The following ZNF423 variants were observed in gnomAD, a reference collection of about 807,000 sequenced individuals.
ZNF423 encodes the protein zinc finger protein 423.
In ZNF423, 12 loss-of-function variants were observed where a neutral mutation model predicts 95.8. That is an observed-to-expected ratio of 0.13 (90% CI 0.08 to 0.20). The LOEUF is 0.20. Ranked by LOEUF, ZNF423 falls within the 10% of genes least tolerant of loss-of-function variation. The pLI is 1.00. For missense variants in ZNF423, 1,316 were observed against 1,737.1 expected (o/e 0.76, Z 4.31); for synonymous variants, 749 against 711.9 (o/e 1.05, Z -0.83).
intron 2 of ZNF423, among the ~76,000 whole-genome samples, chr16:49,747,932 G>A (rs759119970): frequency 5.3e-5 from 8 of 152,232 alleles, no homozygotes; most frequent in Non-Finnish European, 1.2e-4. Flanking sequence ...CCTAGCCCTG[G>A]TTAGGGGATG....
chr16:49,609,742 A>T (rs1029812297), intron 5 of ZNF423, among the ~76,000 whole-genome samples: 1 of 152,178 alleles, frequency 6.6e-6, no homozygotes, highest in African/African-American at 2.4e-5. Context: ...GGAGATAAAA[A>T]AAAAAGAGGG....
At chr16:49,545,129 G>A (rs982324065) in intron 5 of ZNF423, among the ~76,000 whole-genome samples, 1 of 152,212 alleles carries the variant, frequency 6.6e-6, no homozygotes, top group Admixed American at 6.5e-5. Flanking sequence ...GCCAACAATG[G>A]CCCTTCCCCT....
chr16:49,673,288 C>T (rs544839359), intron 3 of ZNF423, among the ~76,000 whole-genome samples: 1 of 152,328 alleles, frequency 6.6e-6, no homozygotes, highest in South Asian at 2.1e-4. Flanking sequence ...CCACGACTCC[C>T]CTGGTCATCT....
chr16:49,755,607 G>A (rs1177033387), intron 2 of ZNF423, among the ~76,000 whole-genome samples: 1 of 152,156 alleles, frequency 6.6e-6, no homozygotes. Context: ...TTATTTACAC[G>A]CTGTTCTGTT....
intron 3 of ZNF423, 58 bp downstream of exon 3, chr16:49,730,713 G>T: frequency 1.3e-6 from 2 of 1,560,874 alleles, no homozygotes; most frequent in Non-Finnish European, 1.8e-6. Flanking sequence ...TCAAGCTGTT[G>T]CTATGTCCAA....
chr16:49,669,184 C>T, intron 3 of ZNF423, among the ~76,000 whole-genome samples: 1 of 151,968 alleles, frequency 6.6e-6, no homozygotes, highest in East Asian at 1.9e-4. Flanking sequence ...ACAAAATTAG[C>T]CAGGTGTGGT....
At chr16:49,600,180 T>C (rs1271507368) in intron 5 of ZNF423, among the ~76,000 whole-genome samples, 1 of 151,756 alleles carries the variant, frequency 6.6e-6, no homozygotes, top group African/African-American at 2.4e-5. Flanking sequence ...GACATGGTGG[T>C]GCATGCCTGT....
chr16:49,666,659 C>T (rs1355341034), intron 3 of ZNF423, among the ~76,000 whole-genome samples: 3 of 152,222 alleles, frequency 2.0e-5, no homozygotes, highest in Non-Finnish European at 2.9e-5. Context: ...GCACACAATA[C>T]ACACAGCTCC....
intron 3 of ZNF423, among the ~76,000 whole-genome samples, chr16:49,649,041 T>TA (rs1973288079): frequency 6.6e-6 from 1 of 152,114 alleles, no homozygotes; most frequent in Non-Finnish European, 1.5e-5. Flanking sequence ...ACTGCCAGCT[T>TA]AAACCAAAAA....
intron 5 of ZNF423, among the ~76,000 whole-genome samples, chr16:49,572,250 G>T (rs11640577): frequency 0.48 from 72,916 of 151,836 alleles, 17,875 homozygotes; most frequent in East Asian, 0.75. Flanking sequence ...CAATTCCCTC[G>T]GCAGAGGGAA....
At chr16:49,662,356 C>G (rs2030282591) in intron 3 of ZNF423, among the ~76,000 whole-genome samples, 2 of 152,296 alleles carry the variant, frequency 1.3e-5, no homozygotes, top group South Asian at 4.1e-4. Flanking sequence ...GCCTGCTGAC[C>G]TCCTCTCAGG....
At chr16:49,692,990 C>T (rs138569363) in intron 3 of ZNF423, among the ~76,000 whole-genome samples, 72 of 152,326 alleles carry the variant, frequency 4.7e-4, no homozygotes, top group African/African-American at 1.6e-3. Context: ...CGTAGAATGC[C>T]TCTGTGAGTT....
intron 2 of ZNF423, among the ~76,000 whole-genome samples, chr16:49,739,529 C>T (rs1026897358): frequency 1.8e-4 from 28 of 152,094 alleles, no homozygotes; most frequent in African/African-American, 6.8e-4. Context: ...GAGTAAGGTG[C>T]GAGCCACCTC....
intron 1 of ZNF423, among the ~76,000 whole-genome samples, chr16:49,851,903 A>G (rs2144127408): frequency 6.6e-6 from 1 of 152,326 alleles, no homozygotes; most frequent in South Asian, 2.1e-4. Flanking sequence ...GGGGGATTAA[A>G]CATTAGGATT....
At chr16:49,576,887 A>C (rs1268223856) in intron 5 of ZNF423, among the ~76,000 whole-genome samples, 1 of 152,258 alleles carries the variant, frequency 6.6e-6, no homozygotes, top group Non-Finnish European at 1.5e-5. Context: ...CCTTTTTAAA[A>C]ATGTAGTTTA....
At chr16:49,634,477 C>T (rs1212306973) in intron 4 of ZNF423, among the ~76,000 whole-genome samples, 1 of 152,054 alleles carries the variant, frequency 6.6e-6, no homozygotes, top group Non-Finnish European at 1.5e-5. Flanking sequence ...GAGGCCCCTT[C>T]CGCTGTGGGG....
Position 49,855,004 on chromosome 16 carries a change from A to G in ZNF423, c.40+731T>C. 1 of 984,200 alleles carries G rather than the reference A, an allele frequency of 1.0e-6. No homozygotes were observed. Among genetic ancestry groups the G allele is most frequent in the Non-Finnish European group, 1.2e-6 (1 of 829,592 alleles). 61.0% of individuals were successfully genotyped at this position (984,200 alleles called of 1,614,324 possible). On this transcript the variant is annotated intron_variant, in intron 1 of 7. Transcript: ENST00000563137. This position sits in a 1 kb window ranked among gnomAD's most constrained non-coding sequence, Gnocchi z 4.7. ...GGAGGGGCGCGCACCGCGGCCGCTG[A>G]GCTCCCCTGAGGACCTGCGTCCCGC...
intron 5 of ZNF423, among the ~76,000 whole-genome samples, chr16:49,540,211 T>C (rs976307009): frequency 2.0e-5 from 3 of 152,220 alleles, no homozygotes; most frequent in Non-Finnish European, 4.4e-5. Context: ...TCCTGCATAC[T>C]AAGGAATTTC....
chr16:49,672,272 G>A lies in ZNF423; in HGVS notation c.302-33398C>T, dbSNP rs567285034. On this transcript the variant is annotated intron_variant, in intron 3 of 7. Transcript: ENST00000563137. ...AAAAATTCAGGTTTCTGGCTTTCTG[G>A]AATTCAGAATTGTGAATAGGGGATT... Among the ~76,000 whole-genome samples the A allele has an allele frequency of 4.6e-5, 7 of 152,314 alleles. No individual in the cohort carries two copies. In the South Asian group the frequency reaches 8.3e-4, roughly 18 times the overall value.
Sources: gnomAD v4.1 joint callset for allele counts (sites outside exome capture counted in the v4.1 genomes callset) on GRCh38, gnomAD v4.1.1 for gene constraint, Gnocchi (gnomAD v3.1) non-coding constraint, MANE v1.5 for transcripts, NCBI Gene and HGNC (gene_info 2026-07-23, HGNC 2026-07-21) for gene names.